PPM1E: variants seen among roughly 807,000 people sequenced by gnomAD.
PPM1E encodes protein phosphatase 1E.
Under a neutral mutation model 65.9 loss-of-function variants are expected in PPM1E, and 20 were observed. The observed-to-expected ratio is 0.30, with a 90% CI of 0.21 to 0.44. The LOEUF (loss-of-function observed/expected upper bound fraction) is 0.44, where lower values mean the gene tolerates loss of function less well. Among genes scored for constraint, PPM1E ranks in the 20% least tolerant of loss-of-function variants. The pLI is 1.00. For synonymous variants in PPM1E, 352 were observed against 374.9 expected, an observed-to-expected ratio of 0.94 and a Z score of 0.70; for missense variants, 713 against 953.1, an observed-to-expected ratio of 0.75 and a Z score of 3.32.
At chr17:58,775,153 C>T (rs1432635692) in intron 1 of PPM1E, among the ~76,000 whole-genome samples, 4 of 151,946 alleles carry the variant, frequency 2.6e-5, no homozygotes, top group Admixed American at 2.6e-4. Flanking sequence ...TTTTATAAAC[C>T]TAAGCTGTAT....
chr17:58,783,529 G>A (rs73331007), intron 1 of PPM1E, among the ~76,000 whole-genome samples: 2,386 of 152,232 alleles, frequency 0.016, 53 homozygotes, highest in African/African-American at 0.054. Flanking sequence ...GAGAAAATTG[G>A]CGTATGTCCA....
chr17:58,913,148 G>C (rs1330237099), intron 1 of PPM1E, among the ~76,000 whole-genome samples: 1 of 152,168 alleles, frequency 6.6e-6, no homozygotes, highest in Non-Finnish European at 1.5e-5. Flanking sequence ...CTAATTTATA[G>C]TGAGTTGGTC....
At chr17:58,839,005 C>T (rs776410808) in intron 1 of PPM1E, among the ~76,000 whole-genome samples, 27 of 151,876 alleles carry the variant, frequency 1.8e-4, no homozygotes, top group Non-Finnish European at 3.5e-4. Flanking sequence ...CAGTGGTTGT[C>T]GGGTTGTGGA....
At chr17:58,894,396 C>G (rs1057015833) in intron 1 of PPM1E, among the ~76,000 whole-genome samples, 1 of 152,084 alleles carries the variant, frequency 6.6e-6, no homozygotes, top group African/African-American at 2.4e-5. Context: ...TTAAGTGAAG[C>G]TGGATTTAAA....
In PPM1E at chr17:58,806,235, A is replaced by AAAGACATAG. The variant is rs1469762998; in HGVS notation, c.464+49774_464+49775insAAGACATAG. On this transcript the variant is annotated intron_variant, in intron 1 of 6. Transcript: ENST00000308249. The stretch of plus-strand genomic sequence containing the variant: ...GCAAACCTAGGTCTTTTGACTCCAA[A>AAAGACATAG]GTCTATGTTTTTTTTTCCTTCTTAT... Among the ~76,000 whole-genome samples, 3 of 151,928 alleles carry AAAGACATAG rather than the reference A, an allele frequency of 2.0e-5. No individual in the cohort carries two copies. In the East Asian group the frequency reaches 5.8e-4, roughly 29 times the overall value.
intron 1 of PPM1E, among the ~76,000 whole-genome samples, chr17:58,884,221 A>G (rs1186527393): frequency 1.3e-5 from 2 of 152,218 alleles, no homozygotes; most frequent in African/African-American, 4.8e-5. Context: ...AATATCTTTC[A>G]TCCAATTTTT....
intron 1 of PPM1E, among the ~76,000 whole-genome samples, chr17:58,902,173 G>A (rs984926156): frequency 6.6e-6 from 1 of 151,952 alleles, no homozygotes; most frequent in African/African-American, 2.4e-5. Flanking sequence ...AAATAGACCT[G>A]TATACAGAGT....
intron 1 of PPM1E, among the ~76,000 whole-genome samples, chr17:58,841,864 C>T (rs991316100): frequency 2.0e-5 from 3 of 152,234 alleles, no homozygotes; most frequent in Admixed American, 6.5e-5. Flanking sequence ...TGCACCACCA[C>T]GCCTGGCTAA....
chr17:58,958,547 C>T (rs1289608019), intron 2 of PPM1E, among the ~76,000 whole-genome samples: 2 of 151,332 alleles, frequency 1.3e-5, no homozygotes, highest in Non-Finnish European at 2.9e-5. Flanking sequence ...GGAAAATGAT[C>T]ACTAATACAG....
chr17:58,831,710 C>T (rs1051964857), intron 1 of PPM1E, among the ~76,000 whole-genome samples: 1 of 152,140 alleles, frequency 6.6e-6, no homozygotes, highest in Non-Finnish European at 1.5e-5. Context: ...GATGTCATCC[C>T]CCTATTGGAC....
intron 1 of PPM1E, among the ~76,000 whole-genome samples, chr17:58,761,059 T>A (rs1173984263): frequency 6.6e-6 from 1 of 152,220 alleles, no homozygotes; most frequent in East Asian, 1.9e-4. Flanking sequence ...TAAACTTTAG[T>A]GTGTCTGGAG....
At chr17:58,893,469 C>T (rs960237196) in intron 1 of PPM1E, among the ~76,000 whole-genome samples, 2 of 152,096 alleles carry the variant, frequency 1.3e-5, no homozygotes, top group African/African-American at 4.8e-5. Context: ...GATGAGTTGG[C>T]AGAACCCAGA....
chr17:58,855,438 T>C (rs2050871895), intron 1 of PPM1E, among the ~76,000 whole-genome samples: 1 of 152,160 alleles, frequency 6.6e-6, no homozygotes, highest in Admixed American at 6.5e-5. Context: ...ATCATAGGAC[T>C]GTAGAATGCT....
At chr17:58,784,556 C>T (rs2050080671) in intron 1 of PPM1E, among the ~76,000 whole-genome samples, 1 of 144,580 alleles carries the variant, frequency 6.9e-6, no homozygotes, top group Non-Finnish European at 1.5e-5. Flanking sequence ...GACGGAGTCT[C>T]ACTCTGTCGC....
At chr17:58,827,327 CAG>C (rs2050548799) in intron 1 of PPM1E, among the ~76,000 whole-genome samples, 1 of 151,610 alleles carries the variant, frequency 6.6e-6, no homozygotes. Flanking sequence ...TTAGTAGAGA[CAG>C]GGTTTCGCCA....
At chr17:58,820,675 A>G (rs1012381445) in intron 1 of PPM1E, among the ~76,000 whole-genome samples, 10 of 152,220 alleles carry the variant, frequency 6.6e-5, no homozygotes, top group Non-Finnish European at 1.5e-4. Context: ...ATATACATCA[A>G]TGACTATTAT....
At chr17:58,933,857 G>C (rs2051939191) in intron 1 of PPM1E, among the ~76,000 whole-genome samples, 1 of 151,470 alleles carries the variant, frequency 6.6e-6, no homozygotes, top group Non-Finnish European at 1.5e-5. Context: ...AATGCTTTGG[G>C]AGGCCAAGGC....
intron 1 of PPM1E, among the ~76,000 whole-genome samples, chr17:58,890,640 T>TAC (rs2051333298): frequency 6.6e-6 from 1 of 152,114 alleles, no homozygotes; most frequent in Admixed American, 6.5e-5. Context: ...TATATAAACA[T>TAC]ACACACATAT....
chr17:58,867,331 C>T (rs190981133), intron 1 of PPM1E, among the ~76,000 whole-genome samples: 2 of 152,260 alleles, frequency 1.3e-5, no homozygotes, highest in East Asian at 3.9e-4. Context: ...ATTGTTACTA[C>T]CAGATGTTGA....
Sources: gnomAD v4.1 joint callset for allele counts (sites outside exome capture counted in the v4.1 genomes callset) on GRCh38, gnomAD v4.1.1 for gene constraint, MANE v1.5 for transcripts, NCBI Gene and HGNC (gene_info 2026-07-23, HGNC 2026-07-21) for gene names.